FAM193A: variants seen among roughly 807,000 people sequenced by gnomAD.
FAM193A encodes the protein protein FAM193A.
A neutral mutation model predicts 126.5 loss-of-function variants in FAM193A; 22 were observed. The observed-to-expected ratio is 0.17, with a 90% CI of 0.12 to 0.25. FAM193A has a LOEUF of 0.25. FAM193A is among the 10% of genes least tolerant of loss of function. FAM193A has a pLI of 1.00. For missense variants in FAM193A, 1,675 were observed against 1,672.8 expected, an observed-to-expected ratio of 1.00 and a Z score of -0.02; for synonymous variants, 761 against 646.8, an observed-to-expected ratio of 1.18 and a Z score of -2.68.
At chr4:2,717,742 A>G (rs1006435471) in intron 20 of FAM193A, among the ~76,000 whole-genome samples, 8 of 144,458 alleles carry the variant, frequency 5.5e-5, no homozygotes, top group African/African-American at 2.1e-4. Context: ...GCAACAGAGC[A>G]AGACCCTGTC....
intron 4 of FAM193A, among the ~76,000 whole-genome samples, chr4:2,627,508 G>T: frequency 6.8e-6 from 1 of 147,248 alleles, no homozygotes; most frequent in East Asian, 2.0e-4. Flanking sequence ...ATTTGAGATG[G>T]CCATTTCATG....
chr4:2,621,794 G>A (rs542410920), intron 2 of FAM193A, among the ~76,000 whole-genome samples: 5 of 152,060 alleles, frequency 3.3e-5, no homozygotes, highest in Non-Finnish European at 2.9e-5. Context: ...GGAGGAGAGC[G>A]TGAACCTCGC....
At chr4:2,556,757 G>A (rs1039899428) in intron 1 of FAM193A, among the ~76,000 whole-genome samples, 1 of 152,168 alleles carries the variant, frequency 6.6e-6, no homozygotes, top group Non-Finnish European at 1.5e-5. Context: ...ATTACTGCTT[G>A]TTGTTTTCTT....
At chr4:2,587,004 A>G (rs1740276431) in intron 1 of FAM193A, among the ~76,000 whole-genome samples, 1 of 152,152 alleles carries the variant, frequency 6.6e-6, no homozygotes, top group African/African-American at 2.4e-5. Context: ...GTTCTTCATG[A>G]ATGTTTTGGT....
chr4:2,630,076 G>A (rs1743404077), intron 4 of FAM193A, among the ~76,000 whole-genome samples: 1 of 147,628 alleles, frequency 6.8e-6, no homozygotes, highest in African/African-American at 2.5e-5. Flanking sequence ...AGCTTGCAGT[G>A]AGCCGAGATC....
intron 6 of FAM193A, among the ~76,000 whole-genome samples, chr4:2,641,327 A>G (rs1263087323): frequency 6.6e-6 from 1 of 151,706 alleles, no homozygotes; most frequent in African/African-American, 2.4e-5. Flanking sequence ...GATTACAGGC[A>G]TGACCCACCA....
intron 13 of FAM193A, among the ~76,000 whole-genome samples, chr4:2,673,889 G>A (rs1046403489): frequency 1.3e-5 from 2 of 152,126 alleles, no homozygotes; most frequent in Non-Finnish European, 2.9e-5. Flanking sequence ...CCTTTTCTTA[G>A]GAAATTAGAG....
chr4:2,667,103 G>T (rs1047083603), intron 12 of FAM193A, among the ~76,000 whole-genome samples: 1 of 152,222 alleles, frequency 6.6e-6, no homozygotes, highest in Non-Finnish European at 1.5e-5. Flanking sequence ...CCTAGATCCT[G>T]TTCTATGTGT....
At chr4:2,620,836 C>CAAAAAAAAAAGAAAAAAA (rs1742498364) in intron 2 of FAM193A, among the ~76,000 whole-genome samples, 1 of 69,100 alleles carries the variant, frequency 1.4e-5, no homozygotes, top group African/African-American at 6.1e-5. Context: ...AACTCCGTCT[C>CAAAAAAAAAAGAAAAAAA]AAAAAAAAAA....
chr4:2,709,537 C>T (rs549089333), intron 19 of FAM193A, among the ~76,000 whole-genome samples: 1 of 152,076 alleles, frequency 6.6e-6, no homozygotes, highest in African/African-American at 2.4e-5. Flanking sequence ...GGTGAAACCC[C>T]GTCTCTACTA....
intron 3 of FAM193A, among the ~76,000 whole-genome samples, chr4:2,626,030 C>G (rs998145735): frequency 4.6e-5 from 7 of 152,100 alleles, no homozygotes; most frequent in Non-Finnish European, 8.8e-5. Context: ...AGCCCAGGAG[C>G]ACATCTAAAA....
intron 4 of FAM193A, 96 bp downstream of exon 4, chr4:2,626,673 T>C (rs1742997143): frequency 3.2e-6 from 2 of 619,876 alleles, no homozygotes; most frequent in South Asian, 1.8e-5. Context: ...TTCCTTACAG[T>C]GCTCAGCTGG....
intron 7 of FAM193A, among the ~76,000 whole-genome samples, chr4:2,653,455 T>C (rs1015416342): frequency 1.3e-5 from 2 of 151,338 alleles, no homozygotes; most frequent in Non-Finnish European, 3.0e-5. Flanking sequence ...TTTTTATTTA[T>C]TTTTTTTTAG....
intron 1 of FAM193A, among the ~76,000 whole-genome samples, chr4:2,561,775 G>A (rs1367915425): frequency 6.6e-6 from 1 of 152,152 alleles, no homozygotes; most frequent in Non-Finnish European, 1.5e-5. Context: ...GGGATTACAG[G>A]CGTGAGCCAC....
intron 13 of FAM193A, among the ~76,000 whole-genome samples, chr4:2,679,374 TC>T (rs1560558191): frequency 2.1e-5 from 3 of 142,490 alleles, no homozygotes; most frequent in South Asian, 2.1e-4. Context: ...TAGTTTTCTT[TC>T]TTTTTTTTTT....
intron 1 of FAM193A, among the ~76,000 whole-genome samples, chr4:2,571,154 G>T (rs1047350961): frequency 6.6e-6 from 1 of 152,176 alleles, no homozygotes; most frequent in Admixed American, 6.5e-5. Context: ...TTCCAATGAT[G>T]TATTACTGGC....
chr4:2,671,037 G>C (rs1026084827), intron 12 of FAM193A, among the ~76,000 whole-genome samples: 2 of 152,154 alleles, frequency 1.3e-5, no homozygotes, highest in African/African-American at 4.8e-5. Flanking sequence ...TGATTGGCCA[G>C]CTGATGATTT....
intron 19 of FAM193A, among the ~76,000 whole-genome samples, chr4:2,707,610 G>GCAATT (rs1308787764): frequency 1.1e-4 from 16 of 151,722 alleles, no homozygotes; most frequent in South Asian, 1.0e-3. Context: ...ATATATTACT[G>GCAATT]CAATTAATTT....
chr4:2,716,797 C>T (rs377568518), intron 20 of FAM193A, among the ~76,000 whole-genome samples: 5 of 152,186 alleles, frequency 3.3e-5, no homozygotes, highest in East Asian at 1.9e-4. Flanking sequence ...CTGCCTCAGC[C>T]TCCAGACTAG....
Sources: allele counts gnomAD v4.1 joint callset (sites outside exome capture counted in the v4.1 genomes callset), GRCh38; gene constraint gnomAD v4.1.1; transcripts MANE v1.5; gene names NCBI Gene and HGNC (gene_info 2026-07-23, HGNC 2026-07-21).